Variants in XRCC5 observed in about 807,000 individuals in gnomAD.
The protein encoded by XRCC5 is DNA repair protein Ku80.
Under a neutral mutation model 95.7 loss-of-function variants are expected in XRCC5, and 12 were observed. That is an observed-to-expected ratio of 0.13 (90% CI 0.08 to 0.20). The LOEUF is 0.20. Among genes scored for constraint, XRCC5 ranks in the 10% least tolerant of loss-of-function variants. XRCC5 has a pLI of 1.00. For missense variants in XRCC5, 595 were observed against 873.9 expected (o/e 0.68, Z 4.02); for synonymous variants, 281 against 290.3 (o/e 0.97, Z 0.33).
At chr2:216,149,944 C>G (rs1559248121) in intron 14 of XRCC5, among the ~76,000 whole-genome samples, 1 of 152,292 alleles carries the variant, frequency 6.6e-6, no homozygotes, top group Admixed American at 6.5e-5. Context: ...TATTCTCTCT[C>G]TCTTCTGAGA....
chr2:216,111,302 G>GC, intron 1 of XRCC5: 1 of 388,010 alleles, frequency 2.6e-6, no homozygotes, highest in Admixed American at 2.7e-5. Context: ...TGGGAGGATT[G>GC]CTTAAGCCAA....
chr2:216,177,613 A>C lies in XRCC5; in HGVS notation c.1835-12612A>C, dbSNP rs894147304. Among the ~76,000 whole-genome samples, 5 of 152,210 alleles carry C rather than the reference A, an allele frequency of 3.3e-5. No homozygotes were observed. The East Asian group carries it at 9.6e-4, about 29-fold the overall frequency. Reference sequence around the variant, plus strand: ...AACTTGTTGGAGCAGAAAGGCGATTAATTGTGAGAAATGAAAGTCAATTTT... The same window carrying C: ...AACTTGTTGGAGCAGAAAGGCGATTCATTGTGAGAAATGAAAGTCAATTTT... On this transcript the variant is annotated intron_variant, in intron 16 of 20. Coordinates refer to ENST00000392132, the MANE Select transcript of XRCC5 (RefSeq NM_021141.4).
intron 7 of XRCC5, 132 bp downstream of exon 7, chr2:216,126,163 A>G (rs1696897309): frequency 1.4e-6 from 1 of 696,398 alleles, no homozygotes; most frequent in Non-Finnish European, 2.3e-6. Flanking sequence ...CTCCCTGCTC[A>G]TTTAATCTCT....
chr2:216,167,604 GT>G (rs1289757352), intron 16 of XRCC5, among the ~76,000 whole-genome samples: 2 of 107,484 alleles, frequency 1.9e-5, no homozygotes, highest in Non-Finnish European at 3.8e-5. Context: ...GTGTGTGTGT[GT>G]GTGTGTGTGA....
chr2:216,162,075 G>C, intron 16 of XRCC5, 27 bp downstream of exon 16: 1 of 1,602,486 alleles, frequency 6.2e-7, no homozygotes, highest in South Asian at 1.1e-5. Context: ...GCATTTAGGA[G>C]AAGCTGTTTA....
intron 13 of XRCC5, among the ~76,000 whole-genome samples, chr2:216,146,475 C>T (rs1688636215): frequency 6.7e-6 from 1 of 148,508 alleles, no homozygotes; most frequent in Admixed American, 6.6e-5. Context: ...AGGAGCTCTT[C>T]AGCTCCCTGG....
In XRCC5 at chr2:216,187,841, T is replaced by A. The variant is rs1689532187; in HGVS notation, c.1835-2384T>A. 8.3e-5 allele frequency among the ~76,000 whole-genome samples: 11 copies of A among 132,880 alleles called. No individual in the cohort carries two copies. In the South Asian group the frequency reaches 2.2e-3, roughly 27 times the overall value. 87.2% of individuals were successfully genotyped at this position (132,880 alleles called of 152,430 possible). A position where few individuals can be genotyped will look rare whatever the true frequency, so the allele number is the denominator to read the frequency against. ...CACACACTCTCTCTCTCTCTCTCTCTCTCTCTCTCTCTCTCTCTCTCCCCG... is the reference window on the plus strand; with the variant it reads ...CACACACTCTCTCTCTCTCTCTCTCACTCTCTCTCTCTCTCTCTCTCCCCG... On this transcript the variant is annotated intron_variant, in intron 16 of 20. Transcript: ENST00000392132.
At chr2:216,198,117 T>C (rs1689764105) in intron 19 of XRCC5, among the ~76,000 whole-genome samples, 1 of 152,156 alleles carries the variant, frequency 6.6e-6, no homozygotes, top group Non-Finnish European at 1.5e-5. Flanking sequence ...AAAGGTAAAG[T>C]GGGGTTACAC....
At chr2:216,120,733 T>C (rs921857815) in intron 5 of XRCC5, among the ~76,000 whole-genome samples, 4 of 117,274 alleles carry the variant, frequency 3.4e-5, no homozygotes, top group African/African-American at 1.3e-4. Context: ...TTTTAGTTTT[T>C]CTTGGTTGTT....
chr2:216,133,644 A>C (rs1366554403), intron 10 of XRCC5, among the ~76,000 whole-genome samples: 1 of 152,244 alleles, frequency 6.6e-6, no homozygotes, highest in Non-Finnish European at 1.5e-5. Context: ...GGATTGTGTA[A>C]TTCAAATCTG....
intron 11 of XRCC5, 133 bp downstream of exon 11, chr2:216,137,358 G>C: frequency 9.6e-7 from 1 of 1,036,336 alleles, no homozygotes; most frequent in Non-Finnish European, 1.3e-6. Flanking sequence ...TGTAGTTCTG[G>C]GGCAGGGCCC....
intron 16 of XRCC5, among the ~76,000 whole-genome samples, chr2:216,170,273 G>T (rs1207198663): frequency 6.6e-6 from 1 of 152,002 alleles, no homozygotes; most frequent in Admixed American, 6.6e-5. Context: ...TTTTCTCCCA[G>T]TGTTTTGTTT....
chr2:216,115,052 G>T (rs1696665765), intron 2 of XRCC5, among the ~76,000 whole-genome samples: 1 of 152,188 alleles, frequency 6.6e-6, no homozygotes, highest in African/African-American at 2.4e-5. Context: ...CAGGGCACTT[G>T]ATTTTTCACG....
chr2:216,177,885 C>T (rs1436107770), intron 16 of XRCC5, among the ~76,000 whole-genome samples: 2 of 152,152 alleles, frequency 1.3e-5, no homozygotes, highest in African/African-American at 4.8e-5. Context: ...GCCAGCAAGA[C>T]TTATACATTG....
chr2:216,141,058 A>T, intron 12 of XRCC5, 128 bp from the exon 13 acceptor site: 1 of 1,056,760 alleles, frequency 9.5e-7, no homozygotes, highest in Non-Finnish European at 1.4e-6. Flanking sequence ...GCATAGCTAG[A>T]GAATACTTTG....
chr2:216,117,301 G>T, intron 3 of XRCC5: 1 of 179,762 alleles, frequency 5.6e-6, no homozygotes, highest in Non-Finnish European at 1.2e-5. Context: ...TACTCCACAG[G>T]TCCCCTAATT....
intron 13 of XRCC5, among the ~76,000 whole-genome samples, chr2:216,142,885 T>G (rs192946126): frequency 2.0e-5 from 3 of 152,344 alleles, no homozygotes; most frequent in African/African-American, 4.8e-5. Context: ...GCTTAACATG[T>G]GAAGACTTGA....
chr2:216,170,259 C>G (rs1689133574), intron 16 of XRCC5, among the ~76,000 whole-genome samples: 1 of 152,008 alleles, frequency 6.6e-6, no homozygotes. Flanking sequence ...TGACAGTGTT[C>G]CTGTTTTCTC....
intron 14 of XRCC5, among the ~76,000 whole-genome samples, chr2:216,149,297 G>GA (rs966593775): frequency 7.4e-5 from 11 of 149,258 alleles, no homozygotes; most frequent in South Asian, 2.1e-4. Flanking sequence ...TGTCAGAATT[G>GA]AAAAAAAAAA....
Sources: allele counts gnomAD v4.1 joint callset (sites outside exome capture counted in the v4.1 genomes callset), GRCh38; gene constraint gnomAD v4.1.1; transcripts MANE v1.5; gene names NCBI Gene and HGNC (gene_info 2026-07-23, HGNC 2026-07-21).